The following TRMT11 variants were observed in gnomAD, a reference collection of about 807,000 sequenced individuals.
TRMT11 encodes tRNA methyltransferase 11, also known as tRNA (guanine(10)-N(2))-methyltransferase TRMT11.
TRMT11 carries 53 observed loss-of-function variants against 62.8 expected under a neutral mutation model. That is an observed-to-expected ratio of 0.84 (90% CI 0.68 to 1.06). TRMT11 has a LOEUF of 1.06. Ranked by LOEUF, TRMT11 falls within the 50% of genes least tolerant of loss-of-function variation. The pLI, the probability that TRMT11 is intolerant of heterozygous loss-of-function variation, is 0.00. For synonymous variants in TRMT11, 188 were observed against 190.3 expected, an observed-to-expected ratio of 0.99 and a Z score of 0.10; for missense variants, 556 against 553.4, an observed-to-expected ratio of 1.00 and a Z score of -0.05.
chr6:126,172,179 T>C (rs1189267508), intron 21 of TRMT11, among the ~76,000 whole-genome samples: 15 of 152,194 alleles, frequency 9.9e-5, no homozygotes, highest in East Asian at 1.9e-4. Context: ...CACCTTTTTT[T>C]CCCCTCAGTT....
At chr6:126,044,722 G>A (rs144529294) in intron 16 of TRMT11, among the ~76,000 whole-genome samples, 5 of 152,262 alleles carry the variant, frequency 3.3e-5, no homozygotes, top group South Asian at 2.1e-4. Flanking sequence ...GGAAGATAGT[G>A]TCTTCCTTTC....
rs1792903531 is a variant in TRMT11 at position 126,003,733 on chromosome 6, T to C, written c.679+4120T>C. On this transcript the variant is annotated intron_variant, in intron 7 of 12. Coordinates refer to ENST00000334379, the MANE Select transcript of TRMT11 (RefSeq NM_001031712.3). The stretch of plus-strand genomic sequence containing the variant: ...TTTTTGATAGCATTTTTGGTCTCTT[T>C]CCCTGATTTTTCAAGGTCCTTTGTA... Among the ~76,000 whole-genome samples, 3 of 152,190 alleles carry C rather than the reference T, an allele frequency of 2.0e-5. No individual in the cohort carries two copies. The South Asian group carries it at 6.2e-4, about 31-fold the overall frequency.
intron 21 of TRMT11, among the ~76,000 whole-genome samples, chr6:126,158,796 C>G (rs1386933654): frequency 6.6e-6 from 1 of 152,130 alleles, no homozygotes; most frequent in East Asian, 1.9e-4. Context: ...TGGAACTTCT[C>G]CCTCCTACAA....
At chr6:126,112,231 C>T (rs1386665854) in intron 17 of TRMT11, among the ~76,000 whole-genome samples, 1 of 152,074 alleles carries the variant, frequency 6.6e-6, no homozygotes, top group Admixed American at 6.6e-5. Flanking sequence ...GCTATTTGTT[C>T]AGTGATTCAC....
At chr6:126,027,815 T>G (rs1773469678) in intron 12 of TRMT11, among the ~76,000 whole-genome samples, 1 of 152,018 alleles carries the variant, frequency 6.6e-6, no homozygotes, top group African/African-American at 2.4e-5. Flanking sequence ...AAACTGAGGG[T>G]TTTAACTAAA....
At chr6:126,155,236 A>G (rs1778103518) in intron 21 of TRMT11, among the ~76,000 whole-genome samples, 1 of 152,148 alleles carries the variant, frequency 6.6e-6, no homozygotes, top group Admixed American at 6.6e-5. Context: ...TAAGACTGGC[A>G]GGGAGGTGCC....
At chr6:126,206,445 A>T (rs915917777), downstream of TRMT11, among the ~76,000 whole-genome samples, 30 of 152,208 alleles carry the variant, frequency 2.0e-4, no homozygotes, top group Admixed American at 1.2e-3. Context: ...CCACACTTTG[A>T]GTAGCAAGGG....
the TRMT11 span, among the ~76,000 whole-genome samples, chr6:126,239,046 T>G: frequency 2.0e-5 from 3 of 152,190 alleles, no homozygotes; most frequent in Non-Finnish European, 4.4e-5. Context: ...TTCCTTTTTT[T>G]TGTTTTCCAT....
intron 11 of TRMT11, among the ~76,000 whole-genome samples, chr6:126,018,630 G>A (rs1795339712): frequency 6.6e-6 from 1 of 151,250 alleles, no homozygotes; most frequent in South Asian, 2.1e-4. Context: ...GACATTAGTA[G>A]TTACCACCCC....
intron 12 of TRMT11, among the ~76,000 whole-genome samples, chr6:126,035,491 C>G (rs1775018924): frequency 6.6e-6 from 1 of 152,128 alleles, no homozygotes; most frequent in African/African-American, 2.4e-5. Context: ...CCCAAACATA[C>G]ACTTCACACT....
the TRMT11 span, among the ~76,000 whole-genome samples, chr6:126,224,923 G>GA: frequency 2.0e-5 from 3 of 152,154 alleles, no homozygotes; most frequent in Admixed American, 6.5e-5. Flanking sequence ...GGGTCCCTCA[G>GA]AAAAGGATCT....
At chr6:126,112,685 G>C (rs1026596606) in intron 17 of TRMT11, among the ~76,000 whole-genome samples, 8 of 152,066 alleles carry the variant, frequency 5.3e-5, no homozygotes, top group Admixed American at 3.3e-4. Flanking sequence ...TTGGCTGCTA[G>C]CTAACTCTGT....
intron 21 of TRMT11, among the ~76,000 whole-genome samples, chr6:126,145,605 A>G (rs1262166680): frequency 6.6e-6 from 1 of 152,118 alleles, no homozygotes. Context: ...ATGTAAGGAG[A>G]AGGTGGGAGA....
At chr6:126,177,566 A>G (rs915846848) in intron 1 of TRMT11, among the ~76,000 whole-genome samples, 1 of 152,146 alleles carries the variant, frequency 6.6e-6, no homozygotes, top group Non-Finnish European at 1.5e-5. Context: ...CTTATTGGAG[A>G]AAAGAATCCA....
intron 1 of TRMT11, among the ~76,000 whole-genome samples, chr6:126,186,781 T>G (rs1183222983): frequency 1.3e-5 from 2 of 152,130 alleles, no homozygotes; most frequent in African/African-American, 4.8e-5. Context: ...CATTTGAATC[T>G]TGAATACTTC....
At chr6:126,019,350 A>G (rs1472125714) in intron 11 of TRMT11, among the ~76,000 whole-genome samples, 1 of 152,222 alleles carries the variant, frequency 6.6e-6, no homozygotes, top group African/African-American at 2.4e-5. Flanking sequence ...TGTTAAAACC[A>G]AATGCAGCAA....
intron 17 of TRMT11, among the ~76,000 whole-genome samples, chr6:126,054,800 G>A (rs1472121558): frequency 6.6e-6 from 1 of 152,152 alleles, no homozygotes; most frequent in African/African-American, 2.4e-5. Context: ...AAGCACTGTT[G>A]CCTATTTCAG....
chr6:126,227,624 G>A, the TRMT11 span, among the ~76,000 whole-genome samples: 3 of 152,132 alleles, frequency 2.0e-5, no homozygotes, highest in East Asian at 3.8e-4. Flanking sequence ...TTCCCTTCAA[G>A]CCTCTGAAAT....
intron 16 of TRMT11, among the ~76,000 whole-genome samples, chr6:126,052,527 CA>C (rs575807595): frequency 1.5e-4 from 22 of 150,576 alleles, no homozygotes; most frequent in African/African-American, 3.4e-4. Flanking sequence ...AATGCTTGGC[CA>C]AAAAAAAATC....
Sources: gnomAD v4.1 joint callset for allele counts (sites outside exome capture counted in the v4.1 genomes callset) on GRCh38, gnomAD v4.1.1 for gene constraint, MANE v1.5 for transcripts, NCBI Gene and HGNC (gene_info 2026-07-23, HGNC 2026-07-21) for gene names.